PDE1C: variants seen among roughly 807,000 people sequenced by gnomAD.
The protein encoded by PDE1C is phosphodiesterase 1C.
PDE1C carries 62 observed loss-of-function variants against 93.1 expected under a neutral mutation model. That is an observed-to-expected ratio of 0.67 (90% CI 0.54 to 0.82). The LOEUF is 0.82. Among genes scored for constraint, PDE1C ranks in the 40% least tolerant of loss-of-function variants. The pLI, the probability that PDE1C is intolerant of heterozygous loss-of-function variation, is 0.00. For synonymous variants in PDE1C, 325 were observed against 310.1 expected, an observed-to-expected ratio of 1.05 and a Z score of -0.50; for missense variants, 742 against 884.6, an observed-to-expected ratio of 0.84 and a Z score of 2.04.
chr7:31,724,851 T>C, the PDE1C span, among the ~76,000 whole-genome samples: 7 of 152,224 alleles, frequency 4.6e-5, no homozygotes, highest in Non-Finnish European at 1.0e-4. Flanking sequence ...AAAACTGTTT[T>C]GGGACCGCCC....
intron 2 of PDE1C, among the ~76,000 whole-genome samples, chr7:31,981,496 A>T (rs188611831): frequency 3.3e-5 from 5 of 152,346 alleles, no homozygotes; most frequent in Admixed American, 1.3e-4. Context: ...AAATGGTTCA[A>T]TAGATCCATG....
the PDE1C span, among the ~76,000 whole-genome samples, chr7:31,700,568 C>CT: frequency 6.6e-6 from 1 of 152,150 alleles, no homozygotes; most frequent in Non-Finnish European, 1.5e-5. Flanking sequence ...GTGAGAGTGG[C>CT]TACACTAAAC....
At chr7:31,860,579 TTG>T (rs1394426384) in intron 7 of PDE1C, among the ~76,000 whole-genome samples, 3 of 152,176 alleles carry the variant, frequency 2.0e-5, no homozygotes, top group Admixed American at 6.5e-5. Context: ...TTGACTGAAT[TTG>T]TGTCATTTTC....
the PDE1C span, among the ~76,000 whole-genome samples, chr7:31,644,803 T>G: frequency 6.6e-6 from 1 of 152,110 alleles, no homozygotes; most frequent in South Asian, 2.1e-4. Context: ...GTATAGAGAG[T>G]TGAAAAGGTG....
chr7:31,773,013 G>A (rs1338526793), intron 17 of PDE1C, among the ~76,000 whole-genome samples: 5 of 152,218 alleles, frequency 3.3e-5, no homozygotes, highest in African/African-American at 4.8e-5. Context: ...ATTGCAATGA[G>A]GTGGTGAGCA....
the PDE1C span, among the ~76,000 whole-genome samples, chr7:31,623,241 C>G: frequency 1.3e-5 from 2 of 152,112 alleles, no homozygotes; most frequent in African/African-American, 4.8e-5. Flanking sequence ...GGAATCCTCC[C>G]TAACTCATTT....
intron 1 of PDE1C, among the ~76,000 whole-genome samples, chr7:32,053,354 G>A (rs1416838490): frequency 6.6e-6 from 1 of 152,156 alleles, no homozygotes; most frequent in Non-Finnish European, 1.5e-5. Flanking sequence ...TCTCGCACCT[G>A]GACCCTGTCA....
chr7:31,944,920 G>GA (rs1230051903), intron 2 of PDE1C, among the ~76,000 whole-genome samples: 1 of 152,088 alleles, frequency 6.6e-6, no homozygotes, highest in Non-Finnish European at 1.5e-5. Context: ...TAGATTTACA[G>GA]AAAAATTGCA....
intron 2 of PDE1C, among the ~76,000 whole-genome samples, chr7:32,043,189 G>A (rs1423957343): frequency 1.3e-5 from 2 of 152,074 alleles, no homozygotes; most frequent in African/African-American, 2.4e-5. Flanking sequence ...ATAGTGCCAT[G>A]GTTAAGAAAT....
At chr7:32,066,308 A>C (rs1258323305) in intron 1 of PDE1C, among the ~76,000 whole-genome samples, 2 of 152,178 alleles carry the variant, frequency 1.3e-5, no homozygotes, top group East Asian at 3.9e-4. Context: ...AGACAAAAAC[A>C]ATAGTTGTTG....
chr7:32,086,114 C>T (rs36200440), intron 3 of PDE1C, among the ~76,000 whole-genome samples: 81,031 of 146,050 alleles, frequency 0.55, 22,844 homozygotes, highest in South Asian at 0.65. Context: ...CCCACTGTTT[C>T]AGCCCAAAAT....
At chr7:31,899,958 A>G (rs1017376635) in intron 2 of PDE1C, among the ~76,000 whole-genome samples, 2 of 152,144 alleles carry the variant, frequency 1.3e-5, no homozygotes, top group African/African-American at 4.8e-5. Context: ...ATGCTGCTAA[A>G]CATTCCACAA....
At chr7:31,746,144 C>A in the PDE1C span, among the ~76,000 whole-genome samples, 1 of 152,070 alleles carries the variant, frequency 6.6e-6, no homozygotes, top group Non-Finnish European at 1.5e-5. Flanking sequence ...CCACTGGTCA[C>A]TGGAGGTGGG....
At chr7:31,927,229 G>A (rs543010279) in intron 2 of PDE1C, among the ~76,000 whole-genome samples, 1 of 152,326 alleles carries the variant, frequency 6.6e-6, no homozygotes, top group East Asian at 1.9e-4. Context: ...AGGTCCTGGG[G>A]CTGGACTGCC....
At chr7:31,653,688 CTAACT>C in the PDE1C span, 1 of 152,150 alleles carries the variant, frequency 6.6e-6, no homozygotes, top group Non-Finnish European at 1.5e-5. Flanking sequence ...GATGCAGCTC[CTAACT>C]TGACTTTTCC....
chr7:32,334,595 T>TC (rs1240365964), intron 1 of PDE1C, among the ~76,000 whole-genome samples: 1,097 of 68,200 alleles, frequency 0.016, 17 homozygotes, highest in African/African-American at 0.062. Context: ...CCTCCCACCC[T>TC]CCCCCCCCAT....
At chr7:31,801,074 C>T (rs973858124) in intron 16 of PDE1C, among the ~76,000 whole-genome samples, 1 of 150,568 alleles carries the variant, frequency 6.6e-6, no homozygotes, top group African/African-American at 2.4e-5. Context: ...GTAACCATGA[C>T]TTTCACCTTA....
intron 1 of PDE1C, among the ~76,000 whole-genome samples, chr7:32,237,740 G>C (rs1808213968): frequency 1.5e-5 from 1 of 65,194 alleles, no homozygotes; most frequent in Non-Finnish European, 2.9e-5. Flanking sequence ...ACTTGGCTCT[G>C]TGTATATATA....
chr7:32,056,981 C>T (rs1374785377), intron 1 of PDE1C, among the ~76,000 whole-genome samples: 2 of 152,172 alleles, frequency 1.3e-5, no homozygotes, highest in African/African-American at 4.8e-5. Flanking sequence ...TACACCCTGC[C>T]ACCCACCCCA....
Sources: gnomAD v4.1 joint callset for allele counts (sites outside exome capture counted in the v4.1 genomes callset) on GRCh38, gnomAD v4.1.1 for gene constraint, MANE v1.5 for transcripts, NCBI Gene and HGNC (gene_info 2026-07-23, HGNC 2026-07-21) for gene names.